The following MAPK14 variants were observed in gnomAD, a reference collection of about 807,000 sequenced individuals.
MAPK14 encodes the protein mitogen-activated protein kinase 14, also known as CSAID-binding protein.
A neutral mutation model predicts 49.6 loss-of-function variants in MAPK14; 16 were observed. That is an observed-to-expected ratio of 0.32 (90% CI 0.22 to 0.49). The LOEUF is 0.49. Ranked by LOEUF, MAPK14 falls within the 20% of genes least tolerant of loss-of-function variation. MAPK14 has a pLI of 0.99. For synonymous variants in MAPK14, 142 were observed against 158.0 expected, an observed-to-expected ratio of 0.90 and a Z score of 0.76; for missense variants, 200 against 441.2, an observed-to-expected ratio of 0.45 and a Z score of 4.90.
intron 8 of MAPK14, among the ~76,000 whole-genome samples, chr6:36,086,016 C>G (rs562950799): frequency 6.6e-6 from 1 of 152,290 alleles, no homozygotes; most frequent in East Asian, 1.9e-4. Context: ...CTCAAAACCA[C>G]ACAATTACGT....
intron 3 of MAPK14, among the ~76,000 whole-genome samples, chr6:36,069,288 T>C (rs1382806082): frequency 6.6e-6 from 1 of 152,164 alleles, no homozygotes; most frequent in Non-Finnish European, 1.5e-5. Flanking sequence ...CCCCATCCTG[T>C]TCATTATTTT....
intron 6 of MAPK14, 61 bp downstream of exon 6, chr6:36,074,157 C>T (rs1764424529): frequency 7.6e-7 from 1 of 1,322,836 alleles, no homozygotes; most frequent in Admixed American, 1.7e-5. Context: ...TTTGACTAAG[C>T]AGGCAGACTT....
chr6:36,049,548 C>G (rs1763314691), intron 1 of MAPK14, among the ~76,000 whole-genome samples: 2 of 152,276 alleles, frequency 1.3e-5, no homozygotes, highest in East Asian at 1.9e-4. Context: ...GGGGTGGTAC[C>G]TGAGAATTTT....
At chr6:36,083,100 G>C (rs185596371) in intron 8 of MAPK14, among the ~76,000 whole-genome samples, 125 of 152,306 alleles carry the variant, frequency 8.2e-4, no homozygotes, top group African/African-American at 2.9e-3. Context: ...CTTCCAACAA[G>C]AAGAACGAAA....
intron 8 of MAPK14, among the ~76,000 whole-genome samples, chr6:36,091,077 T>C (rs928959167): frequency 6.6e-6 from 1 of 152,248 alleles, no homozygotes; most frequent in African/African-American, 2.4e-5. Context: ...TGTGGATTTA[T>C]GTCTTTGAAA....
At chr6:36,076,373 G>T (rs1264411081) in intron 7 of MAPK14, among the ~76,000 whole-genome samples, 164 bp from the exon 8 acceptor site, 1 of 152,154 alleles carries the variant, frequency 6.6e-6, no homozygotes, top group African/African-American at 2.4e-5. Context: ...GTCAGGTGAA[G>T]ATCTTAGTAA....
At chr6:36,062,648 T>C (rs1034154011) in intron 3 of MAPK14, among the ~76,000 whole-genome samples, 2 of 147,564 alleles carry the variant, frequency 1.4e-5, no homozygotes, top group African/African-American at 2.4e-5. Flanking sequence ...GTTTTTTTTT[T>C]TTCTTTTTCT....
In MAPK14 at chr6:36,028,091, G is replaced by A. The variant is rs1175694809; in HGVS notation, c.-67G>A. 2 of 1,079,784 alleles carry A rather than the reference G, an allele frequency of 1.9e-6. No homozygotes were observed. Among genetic ancestry groups the A allele is most frequent in the Non-Finnish European group, 2.8e-6 (2 of 712,102 alleles). 66.9% of individuals were successfully genotyped at this position (1,079,784 alleles called of 1,614,324 possible). A position where few individuals can be genotyped will look rare whatever the true frequency, so the allele number is the denominator to read the frequency against. ...GGCTGGGCGGGCAGCAAGGGCCGGG[G>A]AGAGGGTGCGGGTGCAGGCGGGGGC... is the stretch of plus-strand genomic sequence containing the variant. On this transcript the variant is annotated 5_prime_UTR_variant, in exon 1 of 12. Coordinates refer to ENST00000229794, the MANE Select transcript of MAPK14 (RefSeq NM_139012.3). The surrounding 1 kb of genome is among the most constrained non-coding windows in gnomAD (Gnocchi z 5.1).
chr6:36,092,219 C>A, intron 8 of MAPK14: 1 of 552,916 alleles, frequency 1.8e-6, no homozygotes, highest in Non-Finnish European at 3.5e-6. Context: ...ATTACTGTCA[C>A]GATGTGTGTG....
intron 3 of MAPK14, among the ~76,000 whole-genome samples, chr6:36,066,760 A>G (rs6900999): frequency 6.1e-5 from 9 of 148,008 alleles, no homozygotes; most frequent in South Asian, 2.1e-4. Flanking sequence ...GTGTGTGTGT[A>G]TGTGTGTATG....
At chr6:36,066,067 C>CT (rs914915721) in intron 3 of MAPK14, among the ~76,000 whole-genome samples, 30 of 150,986 alleles carry the variant, frequency 2.0e-4, no homozygotes, top group South Asian at 4.2e-4. Context: ...TATAAAAACT[C>CT]TTTTTTTTTC....
In MAPK14 at chr6:36,074,092, T is replaced by G; in HGVS notation, c.491T>G (p.Leu164Arg). ...CTAGCTGTGAATGAAGACTGTGAGC[T>G]GAAGGTAAAATGAAGAGACAGTATT... ...SNLAVNEDCELKILDFGLARH... is the reference protein window; with the variant it reads ...SNLAVNEDCERKILDFGLARH... The change falls in exon 6 of 12, where the codon CTG (leucine) becomes CGG (arginine). Residue 164 changes from leucine to arginine, a missense_variant. Physicochemically the swap from Leu to Arg is moderately radical, Grantham distance 102. Around this residue, in one of 2 missense-constraint regions of MAPK14, gnomAD observed 170 missense variants for 407.0 expected, o/e 0.42. Transcript: ENST00000229794. 1 of 1,612,686 alleles carries G rather than the reference T, an allele frequency of 6.2e-7. No homozygotes were observed. Among genetic ancestry groups the G allele is most frequent in the Non-Finnish European group, 8.5e-7 (1 of 1,178,864 alleles).
downstream of MAPK14, among the ~76,000 whole-genome samples, chr6:36,113,007 C>CT (rs376599282): frequency 7.4e-3 from 1,127 of 152,038 alleles, 14 homozygotes; most frequent in African/African-American, 0.025. Context: ...ATTGGGATGA[C>CT]TTTCACTTCT....
chr6:36,096,173 G>A, intron 9 of MAPK14, 107 bp downstream of exon 9: 1 of 746,290 alleles, frequency 1.3e-6, no homozygotes, highest in Non-Finnish European at 2.3e-6. Context: ...CATGCCCTTT[G>A]TGTGCTGACT....
chr6:36,090,706 T>C (rs897475499), intron 8 of MAPK14, among the ~76,000 whole-genome samples: 4 of 152,168 alleles, frequency 2.6e-5, no homozygotes, highest in Non-Finnish European at 5.9e-5. Flanking sequence ...TTTGTATTTT[T>C]AGTAGAGACA....
intron 10 of MAPK14, among the ~76,000 whole-genome samples, chr6:36,103,641 A>G (rs965294237): frequency 6.6e-6 from 1 of 152,106 alleles, no homozygotes; most frequent in Non-Finnish European, 1.5e-5. Flanking sequence ...CTGGCGGACT[A>G]TATTCTTTGA....
At position 36,110,816 on chromosome 6, in the gene MAPK14, G is replaced by C. The variant is rs1765944966; in HGVS notation, c.*2369G>C. 6.6e-6 allele frequency: 1 copy of C among 152,054 alleles called. No homozygotes were observed. Among genetic ancestry groups the C allele is most frequent in the Admixed American group, 6.5e-5 (1 of 15,268 alleles). The allele number at this position is 152,054 out of a possible 1,614,324, so 9.4% of individuals were successfully genotyped here. A position where few individuals can be genotyped will look rare whatever the true frequency, so the allele number is the denominator to read the frequency against. ...TTGTTTTTATTTAATGCACAATATG[G>C]CATTATATCAATATCCTTTAAACTG... On this transcript the variant is annotated 3_prime_UTR_variant, in exon 12 of 12. Transcript: ENST00000229794.
At chr6:36,095,364 C>T (rs9470217) in intron 8 of MAPK14, among the ~76,000 whole-genome samples, 7,244 of 152,270 alleles carry the variant, frequency 0.048, 437 homozygotes, top group African/African-American at 0.14. Flanking sequence ...CCTCTGCTGG[C>T]GACTCTCCCT....
At chr6:36,115,651 G>A (rs950828219), downstream of MAPK14, among the ~76,000 whole-genome samples, 1 of 152,054 alleles carries the variant, frequency 6.6e-6, no homozygotes, top group Non-Finnish European at 1.5e-5. Context: ...ACTGGGGCGG[G>A]GCGCAGTGGC....
Sources: allele counts gnomAD v4.1 joint callset (sites outside exome capture counted in the v4.1 genomes callset), GRCh38; gene constraint gnomAD v4.1.1; regional missense constraint gnomAD v4.1.1; non-coding constraint Gnocchi (gnomAD v3.1); transcripts MANE v1.5; gene names NCBI Gene and HGNC (gene_info 2026-07-23, HGNC 2026-07-21).